The following ASIC2 variants were observed in gnomAD, a reference collection of about 807,000 sequenced individuals.
ASIC2 encodes acid-sensing ion channel 2.
A neutral mutation model predicts 57.3 loss-of-function variants in ASIC2; 25 were observed. That is an observed-to-expected ratio of 0.44 (90% confidence interval 0.32 to 0.61). The LOEUF is 0.61. Ranked by LOEUF, ASIC2 falls within the 20% of genes least tolerant of loss-of-function variation. The pLI, the probability that ASIC2 is intolerant of heterozygous loss-of-function variation, is 0.06. For missense variants in ASIC2, 641 were observed against 738.1 expected (o/e 0.87, Z 1.52); for synonymous variants, 319 against 307.5 (o/e 1.04, Z -0.39).
chr17:33,121,140 T>C (rs1181758978), intron 1 of ASIC2, among the ~76,000 whole-genome samples: 1 of 152,236 alleles, frequency 6.6e-6, no homozygotes, highest in Non-Finnish European at 1.5e-5. Context: ...GGATCGTGCA[T>C]AAGCCCTGCA....
intron 1 of ASIC2, among the ~76,000 whole-genome samples, chr17:33,445,540 G>C (rs144854962): frequency 1.2e-4 from 19 of 152,100 alleles, no homozygotes; most frequent in South Asian, 4.2e-4. Flanking sequence ...GGTTCTCTGT[G>C]GGCACAAGGT....
chr17:34,098,655 A>T (rs1910631806), intron 1 of ASIC2, among the ~76,000 whole-genome samples: 3 of 152,180 alleles, frequency 2.0e-5, no homozygotes, highest in Admixed American at 2.0e-4. Flanking sequence ...CAACACCTCA[A>T]AGAAAACATA....
chr17:33,645,469 A>G (rs539039956), intron 1 of ASIC2, among the ~76,000 whole-genome samples: 2 of 152,310 alleles, frequency 1.3e-5, no homozygotes, highest in African/African-American at 2.4e-5. Flanking sequence ...GTACTGAGAA[A>G]TGACCTCGCA....
At chr17:33,505,974 C>T (rs1914237983) in intron 1 of ASIC2, among the ~76,000 whole-genome samples, 1 of 152,176 alleles carries the variant, frequency 6.6e-6, no homozygotes, top group South Asian at 2.1e-4. Flanking sequence ...TTTTAAAAAT[C>T]TCTGCATATA....
At chr17:33,319,177 CCA>C (rs369332139) in intron 1 of ASIC2, among the ~76,000 whole-genome samples, 49 of 152,280 alleles carry the variant, frequency 3.2e-4, no homozygotes, top group African/African-American at 1.1e-3. Flanking sequence ...TTGCAGCGAG[CCA>C]CAGTCACACC....
intron 1 of ASIC2, chr17:33,834,439 T>C (rs1167285849): frequency 6.6e-6 from 1 of 152,222 alleles, no homozygotes; most frequent in African/African-American, 2.4e-5. Flanking sequence ...GCTGTTGGTA[T>C]TTGATGGTTT....
intron 1 of ASIC2, among the ~76,000 whole-genome samples, chr17:34,077,567 T>A (rs537926159): frequency 6.6e-6 from 1 of 152,316 alleles, no homozygotes; most frequent in East Asian, 1.9e-4. Context: ...GATGCAGCCT[T>A]CACTGTCAGA....
chr17:33,271,177 C>T (rs1904477938), intron 1 of ASIC2, among the ~76,000 whole-genome samples: 1 of 152,138 alleles, frequency 6.6e-6, no homozygotes, highest in Admixed American at 6.5e-5. Flanking sequence ...TTCCCTCCTA[C>T]CTCCTTGACT....
chr17:33,829,710 A>G (rs1184924534), intron 1 of ASIC2, among the ~76,000 whole-genome samples: 1 of 151,334 alleles, frequency 6.6e-6, no homozygotes, highest in Non-Finnish European at 1.5e-5. Context: ...CTGAGGGATT[A>G]CAGGCCACTG....
chr17:33,442,706 C>T (rs1367474251), intron 1 of ASIC2, among the ~76,000 whole-genome samples: 2 of 151,810 alleles, frequency 1.3e-5, no homozygotes, highest in African/African-American at 2.4e-5. Flanking sequence ...TCTAAAGGAT[C>T]ATGTTTTCTG....
At chr17:33,835,185 C>T (rs968418050) in intron 1 of ASIC2, among the ~76,000 whole-genome samples, 1 of 152,172 alleles carries the variant, frequency 6.6e-6, no homozygotes, top group African/African-American at 2.4e-5. Context: ...GGGCCAGACT[C>T]TTTGGGTTCT....
chr17:33,192,439 C>A (rs1597623533), intron 1 of ASIC2, among the ~76,000 whole-genome samples: 1 of 147,172 alleles, frequency 6.8e-6, no homozygotes, highest in Non-Finnish European at 1.5e-5. Context: ...CAAAACAAAA[C>A]AAAACAAAAC....
At chr17:33,728,663 C>G (rs1909639890) in intron 1 of ASIC2, among the ~76,000 whole-genome samples, 1 of 152,044 alleles carries the variant, frequency 6.6e-6, no homozygotes, top group African/African-American at 2.4e-5. Context: ...TATTGAGGGT[C>G]TGAGGACCCA....
At chr17:33,482,846 C>G (rs1429758075) in intron 1 of ASIC2, among the ~76,000 whole-genome samples, 1 of 152,220 alleles carries the variant, frequency 6.6e-6, no homozygotes, top group Non-Finnish European at 1.5e-5. Context: ...ACAGGCCTGG[C>G]AATGAGAATT....
At chr17:34,037,509 C>T (rs1170971433) in intron 1 of ASIC2, 4 of 1,222,932 alleles carry the variant, frequency 3.3e-6, no homozygotes, top group Non-Finnish European at 4.5e-6. Context: ...AATAGAAGCA[C>T]CTGGTACAGG....
At chr17:33,434,594 T>G (rs1329711682) in intron 1 of ASIC2, among the ~76,000 whole-genome samples, 3 of 152,216 alleles carry the variant, frequency 2.0e-5, no homozygotes, top group African/African-American at 7.2e-5. Context: ...TGCAAGGATT[T>G]TTTATCCAGA....
At chr17:33,538,120 G>A (rs116295291) in intron 1 of ASIC2, among the ~76,000 whole-genome samples, 152 of 152,296 alleles carry the variant, frequency 1.0e-3, no homozygotes, top group African/African-American at 3.5e-3. Flanking sequence ...TAAATGCTTA[G>A]TAACTGCAAA....
intron 1 of ASIC2, among the ~76,000 whole-genome samples, chr17:33,441,993 G>A (rs893229979): frequency 3.3e-5 from 5 of 152,056 alleles, no homozygotes; most frequent in African/African-American, 1.2e-4. Context: ...ACAGTATATC[G>A]ATATCCAGTG....
intron 1 of ASIC2, among the ~76,000 whole-genome samples, chr17:34,116,850 T>C (rs184657988): frequency 6.6e-6 from 1 of 152,046 alleles, no homozygotes; most frequent in African/African-American, 2.4e-5. Context: ...TTTGCAAGTG[T>C]GTGTGGGGGG....
Sources: allele counts gnomAD v4.1 joint callset (sites outside exome capture counted in the v4.1 genomes callset), GRCh38; gene constraint gnomAD v4.1.1; transcripts MANE v1.5; gene names NCBI Gene and HGNC (gene_info 2026-07-23, HGNC 2026-07-21).